Variants in GRIP2 observed in about 807,000 individuals in gnomAD.
GRIP2 encodes the protein glutamate receptor-interacting protein 2.
In GRIP2, 58 loss-of-function variants were observed where a neutral mutation model predicts 108.3. The observed-to-expected ratio is 0.54, with a 90% CI of 0.43 to 0.67. The LOEUF is 0.67. Ranked by LOEUF, GRIP2 falls within the 30% of genes least tolerant of loss-of-function variation. The pLI is 0.00. For missense variants in GRIP2, 1,278 were observed against 1,430.6 expected (o/e 0.89, Z 1.72); for synonymous variants, 586 against 598.2 (o/e 0.98, Z 0.30).
At chr3:14,595,022 G>C in the GRIP2 span, among the ~76,000 whole-genome samples, 1 of 152,044 alleles carries the variant, frequency 6.6e-6, no homozygotes, top group African/African-American at 2.4e-5. Context: ...TCAGCCTCCC[G>C]AGTAGCTGGG....
At chr3:14,551,400 T>C (rs1695146590) in intron 1 of GRIP2, among the ~76,000 whole-genome samples, 1 of 152,044 alleles carries the variant, frequency 6.6e-6, no homozygotes. Context: ...GCCTGGCACG[T>C]CTGTCTGCTC....
Position 14,490,836 on chromosome 3 carries a change from G to A in GRIP2, c.*2829C>T, listed in dbSNP as rs750756363. On this transcript the variant is annotated 3_prime_UTR_variant, in exon 24 of 24. Coordinates refer to ENST00000621039, the MANE Select transcript of GRIP2 (RefSeq NM_001080423.4). ...GTCTTCAGGTCTCATTGCAAATGTC[G>A]CCTCTTGAGAGAAACCCCTCCTAAT... 14 of 152,222 alleles carry A rather than the reference G, an allele frequency of 9.2e-5. No individual in the cohort carries two copies. The highest frequency in any genetic ancestry group is 1.4e-4 in the African/African-American group (6 of 41,456). 9.4% of individuals were successfully genotyped at this position (152,222 alleles called of 1,614,324 possible).
chr3:14,566,124 G>T, the GRIP2 span, among the ~76,000 whole-genome samples: 1 of 152,228 alleles, frequency 6.6e-6, no homozygotes, highest in Non-Finnish European at 1.5e-5. Context: ...CTCCAGGTCA[G>T]CAGGGTCAAT....
At chr3:14,575,153 G>A in the GRIP2 span, among the ~76,000 whole-genome samples, 1 of 152,092 alleles carries the variant, frequency 6.6e-6, no homozygotes, top group Non-Finnish European at 1.5e-5. Flanking sequence ...TTATAAGTGT[G>A]TTTACTTTTC....
chr3:14,514,009 T>A (rs1694175060), intron 12 of GRIP2, among the ~76,000 whole-genome samples, 199 bp from the exon 13 acceptor site: 1 of 152,206 alleles, frequency 6.6e-6, no homozygotes, highest in Admixed American at 6.5e-5. Context: ...TCCCTGTCTG[T>A]CCAATGGGGA....
intron 1 of GRIP2, among the ~76,000 whole-genome samples, chr3:14,553,363 G>C (rs1357515890): frequency 1.3e-5 from 2 of 151,870 alleles, no homozygotes; most frequent in Non-Finnish European, 2.9e-5. Context: ...CGCCCACCTC[G>C]GTCTCCCAAA....
the GRIP2 span, chr3:14,572,883 C>A: frequency 4.0e-6 from 5 of 1,253,238 alleles, no homozygotes; most frequent in Non-Finnish European, 4.7e-6. Flanking sequence ...GTACTTCTCG[C>A]AGAAATTATC....
the GRIP2 span, among the ~76,000 whole-genome samples, chr3:14,581,855 G>A: frequency 1.3e-5 from 2 of 152,236 alleles, no homozygotes; most frequent in African/African-American, 2.4e-5. Context: ...TTGGAAAGGC[G>A]TGAGAAGGAA....
chr3:14,579,513 C>T, the GRIP2 span, among the ~76,000 whole-genome samples: 3 of 152,112 alleles, frequency 2.0e-5, no homozygotes, highest in Non-Finnish European at 2.9e-5. Context: ...CTTTGTCAGG[C>T]GGGAAAGCCC....
intron 23 of GRIP2, among the ~76,000 whole-genome samples, chr3:14,494,289 A>G (rs1343739514): frequency 6.6e-6 from 1 of 152,266 alleles, no homozygotes; most frequent in Non-Finnish European, 1.5e-5. Flanking sequence ...AATTTAGAGA[A>G]AACATGAATT....
the GRIP2 span, among the ~76,000 whole-genome samples, chr3:14,601,406 C>T: frequency 2.0e-5 from 3 of 152,130 alleles, no homozygotes; most frequent in Non-Finnish European, 4.4e-5. Flanking sequence ...TAGAGGCACT[C>T]CTCCAAGACA....
At chr3:14,549,168 G>A (rs969828761) in intron 1 of GRIP2, among the ~76,000 whole-genome samples, 2 of 152,198 alleles carry the variant, frequency 1.3e-5, no homozygotes, top group South Asian at 4.1e-4. Context: ...AATATATGAT[G>A]AATGTACATA....
rs1031670259 is a variant in GRIP2 at position 14,507,437 on chromosome 3, C to T, written c.2218+124G>A. On this transcript the variant is annotated intron_variant, in intron 18 of 23. Transcript: ENST00000621039. This position sits in a 1 kb window ranked among gnomAD's most constrained non-coding sequence, Gnocchi z 4.6. ...CTCTGAGTCTTATCTTCTTTGCCATCGCAGGCCCGCCTCCACAGGGCTGCA... is the reference window on the plus strand; with the variant it reads ...CTCTGAGTCTTATCTTCTTTGCCATTGCAGGCCCGCCTCCACAGGGCTGCA... 2.7e-5 allele frequency: 33 copies of T among 1,207,160 alleles called. No individual in the cohort carries two copies. Among genetic ancestry groups the T allele is most frequent in the Non-Finnish European group, 3.3e-5 (28 of 851,088 alleles). 74.8% of individuals were successfully genotyped at this position (1,207,160 alleles called of 1,614,324 possible). A position where few individuals can be genotyped will look rare whatever the true frequency, so the allele number is the denominator to read the frequency against.
the GRIP2 span, among the ~76,000 whole-genome samples, chr3:14,592,219 G>A: frequency 2.0e-5 from 3 of 152,304 alleles, no homozygotes; most frequent in East Asian, 1.9e-4. Flanking sequence ...TTGGAGTGGG[G>A]GAACTTTCAG....
intron 1 of GRIP2, among the ~76,000 whole-genome samples, chr3:14,553,531 T>C (rs1304826393): frequency 6.6e-6 from 1 of 152,156 alleles, no homozygotes; most frequent in East Asian, 1.9e-4. Context: ...CATTGCTTCC[T>C]TCTAGAGGCA....
chr3:14,511,207 C>T lies in GRIP2; in HGVS notation c.1891G>A (p.Asp631Asn), dbSNP rs765450786. The change falls in exon 16 of 24, where the codon GAC (aspartate) becomes AAC (asparagine). Residue 631 changes from aspartate (D) to asparagine (N), a missense_variant. Transcript: ENST00000621039. This position sits in a 1 kb window ranked among gnomAD's most constrained non-coding sequence, Gnocchi z 4.1. ...TTCCGGATCTTCAGCTTCACCAGGT[C>T]CTCGCACTGCCGCAGGATTTGCACG... ...DAVQILRQCEDLVKLKIRKDE... is the reference protein window; with the variant it reads ...DAVQILRQCENLVKLKIRKDE... The T allele has an allele frequency of 3.7e-6, 6 of 1,613,986 alleles. No individual in the cohort carries two copies. The East Asian group carries it at 1.3e-4, about 36-fold the overall frequency.
At chr3:14,570,539 C>A in the GRIP2 span, among the ~76,000 whole-genome samples, 44 of 152,314 alleles carry the variant, frequency 2.9e-4, no homozygotes, top group Non-Finnish European at 5.4e-4. Flanking sequence ...GTGATTTTTA[C>A]GTTTGGAAAC....
chr3:14,510,062 T>C (rs1694041081), intron 16 of GRIP2, 98 bp from the exon 17 acceptor site: 1 of 1,123,938 alleles, frequency 8.9e-7, no homozygotes. Flanking sequence ...ATTTATTAAT[T>C]CATTCACCCA....
Position 14,525,809 on chromosome 3 carries a change from C to T in GRIP2, c.121+42G>A, listed in dbSNP as rs373011347. On this transcript the variant is annotated intron_variant, in intron 2 of 23. Coordinates refer to ENST00000621039, the MANE Select transcript of GRIP2 (RefSeq NM_001080423.4). ...TGACCCCCACCTAGGGCTCTCTGTG[C>T]CTCCAGGGCAGAAAAAGAGGGAATG... The T allele has an allele frequency of 1.2e-5, 19 of 1,537,750 alleles. 1 individual carries two copies. The highest frequency in any genetic ancestry group is 4.9e-5 in the East Asian group (2 of 40,876).
Sources: gnomAD v4.1 joint callset for allele counts (sites outside exome capture counted in the v4.1 genomes callset) on GRCh38, gnomAD v4.1.1 for gene constraint, Gnocchi (gnomAD v3.1) non-coding constraint, MANE v1.5 for transcripts, NCBI Gene and HGNC (gene_info 2026-07-23, HGNC 2026-07-21) for gene names.